CLUH: variants seen among roughly 807,000 people sequenced by gnomAD.
The protein encoded by CLUH is clustered mitochondria protein homolog.
CLUH carries 77 observed loss-of-function variants against 139.3 expected under a neutral mutation model. That is an observed-to-expected ratio of 0.55 (90% CI 0.46 to 0.67). The LOEUF (loss-of-function observed/expected upper bound fraction) is 0.67, where lower values mean the gene tolerates loss of function less well. CLUH is among the 30% of genes least tolerant of loss of function. The pLI is 0.00. For synonymous variants in CLUH, 999 were observed against 801.6 expected, an observed-to-expected ratio of 1.25 and a Z score of -4.16; for missense variants, 1,876 against 1,875.8, an observed-to-expected ratio of 1.00 and a Z score of 0.00.
rs533588934 is a variant in CLUH, at chr17:2,698,570, C to G, written c.1287G>C (p.Ala429=). ...AIFKVHSDFT[A]AATRGAMAVI... is the part of the protein sequence containing the mutation. The stretch of plus-strand genomic sequence containing the variant: ...CGGCCATGGCGCCCCTGGTGGCTGC[C>G]GCGGTGAAGTCGCTGTGCACCTGGC... The change falls in exon 10 of 26, where the codon GCG becomes GCC. Residue 429 remains alanine (A), a synonymous_variant. Coordinates refer to ENST00000651024, the MANE Select transcript of CLUH (RefSeq NM_001366661.1). 18 of 1,606,332 alleles carry G rather than the reference C, an allele frequency of 1.1e-5. No individual in the cohort carries two copies. The East Asian group carries it at 3.6e-4, about 32-fold the overall frequency.
At chr17:2,694,822 T>TACC in intron 16 of CLUH, 35 bp downstream of exon 16, 14 of 1,346,332 alleles carry the variant, frequency 1.0e-5, no homozygotes, top group South Asian at 4.4e-5. Context: ...ATCTGCCCAA[T>TACC]CCCACCCACC....
chr17:2,703,053 T>C lies in CLUH; in HGVS notation c.475+265A>G, dbSNP rs2070238228. 1.3e-5 allele frequency among the ~76,000 whole-genome samples: 2 copies of C among 152,188 alleles called. No homozygotes were observed. The highest frequency in any genetic ancestry group is 4.1e-4 in the South Asian group (2 of 4,832). On this transcript the variant is annotated intron_variant, in intron 3 of 25. Transcript: ENST00000651024. The surrounding 1 kb of genome is among the most constrained non-coding windows in gnomAD (Gnocchi z 4.2). ...GTTGGCCAGGCAAGTCTCCAACTCC[T>C]GACCTCAGGTGATCCACACGCCTTG...
At chr17:2,700,637 G>C (rs760073407) in intron 8 of CLUH, 41 bp downstream of exon 8, 1 of 1,517,284 alleles carries the variant, frequency 6.6e-7, no homozygotes. Flanking sequence ...CACCCAGGAG[G>C]GCAGGGGTGC....
chr17:2,695,664 A>G (rs1342782244), intron 13 of CLUH, 138 bp from the exon 14 acceptor site: 1 of 1,176,216 alleles, frequency 8.5e-7, no homozygotes. Context: ...GGATGTCAGA[A>G]TGTGCCCAGC....
Position 2,694,697 on chromosome 17 carries a change from C to A in CLUH, c.2853-133G>T, listed in dbSNP as rs1185320276. 4.5e-6 allele frequency: 6 copies of A among 1,327,432 alleles called. No homozygotes were observed. The East Asian group carries it at 1.5e-4, about 33-fold the overall frequency. The allele number at this position is 1,327,432 out of a possible 1,614,324, so 82.2% of individuals were successfully genotyped here. A position where few individuals can be genotyped will look rare whatever the true frequency, so the allele number is the denominator to read the frequency against. On this transcript the variant is annotated intron_variant, in intron 16 of 25. Coordinates refer to ENST00000651024, the MANE Select transcript of CLUH (RefSeq NM_001366661.1). ...CACCCGGCCCCCGGGAGCCTCCCGG[C>A]TGCCCTCACCCTCCAGCACCCAGTG...
chr17:2,692,337 G>GCGTTTGGACGC (rs1567577009), intron 22 of CLUH, 24 bp downstream of exon 22: 10 of 1,532,000 alleles, frequency 6.5e-6, no homozygotes, highest in Middle Eastern at 2.1e-4. Flanking sequence ...GCCGGCCTTG[G>GCGTTTGGACGC]CGTTTGGACG....
At chr17:2,697,353 C>G (rs879433118) in intron 10 of CLUH, among the ~76,000 whole-genome samples, 4 of 150,570 alleles carry the variant, frequency 2.7e-5, no homozygotes, top group East Asian at 2.0e-4. Context: ...GAGCCGGGAT[C>G]GTGCCATTGC....
At chr17:2,692,731 C>A in intron 20 of CLUH, 35 bp from the exon 21 acceptor site, 1 of 1,601,854 alleles carries the variant, frequency 6.2e-7, no homozygotes. Flanking sequence ...AGGGTGGCCG[C>A]GGACCCAGCC....
At position 2,707,757 on chromosome 17, in the gene CLUH, C is replaced by G. The variant is rs914901397; in HGVS notation, c.101-3193G>C. On this transcript the variant is annotated intron_variant, in intron 1 of 25. Transcript: ENST00000651024. This position sits in a 1 kb window ranked among gnomAD's most constrained non-coding sequence, Gnocchi z 7.4. ...CCAGGCCATAAGGTGGCTGCCTCTG[C>G]CCACCAGTCCCAGACACTGAGCACC... is the stretch of plus-strand genomic sequence containing the variant. 2 of 985,338 alleles carry G rather than the reference C, an allele frequency of 2.0e-6. No individual in the cohort carries two copies. The highest frequency in any genetic ancestry group is 3.5e-5 in the African/African-American group (2 of 57,254). The allele number at this position is 985,338 out of a possible 1,614,324, so 61.0% of individuals were successfully genotyped here. A position where few individuals can be genotyped will look rare whatever the true frequency, so the allele number is the denominator to read the frequency against.
chr17:2,704,413 C>T lies in CLUH; in HGVS notation c.252G>A (p.Thr84=), dbSNP rs200262545. Residue 84 remains threonine (T), a synonymous_variant, in exon 2 of 26, where the codon ACG becomes ACA. Coordinates refer to ENST00000651024, the MANE Select transcript of CLUH (RefSeq NM_001366661.1). The surrounding 1 kb of genome is among the most constrained non-coding windows in gnomAD (Gnocchi z 5.7). ...TGQEVIVIQD[T]GFSVKILAPG... is the part of the protein sequence containing the mutation. ...GGGCGAGGATCTTCACAGAAAAGCC[C>T]GTGTCCTGAATGACAATGACTTCCT... 27 of 1,611,084 alleles carry T rather than the reference C, an allele frequency of 1.7e-5. No individual in the cohort carries two copies. The Admixed American group carries it at 2.5e-4, about 15-fold the overall frequency.
Position 2,692,862 on chromosome 17 carries a change from T to G in CLUH, c.3232-2A>C. 6.3e-7 allele frequency: 1 copy of G among 1,588,264 alleles called. No homozygotes were observed. The highest frequency in any genetic ancestry group is 8.6e-7 in the Non-Finnish European group (1 of 1,165,012). The stretch of plus-strand genomic sequence containing the variant: ...CGCCTTCTGCTGGTTACTCAGGGCC[T>G]GGGGAGAGACAGTGGTGGTTGCCGC... On this transcript the variant is annotated splice_acceptor_variant, in intron 19 of 25. Transcript: ENST00000651024. LOFTEE classifies it high-confidence loss of function.
Position 2,700,886 on chromosome 17 carries a change from G to T in CLUH, c.1026-61C>A. The T allele has an allele frequency of 2.0e-6, 3 of 1,498,366 alleles. No homozygotes were observed. The South Asian group carries it at 4.0e-5, about 20-fold the overall frequency. 92.8% of individuals were successfully genotyped at this position (1,498,366 alleles called of 1,614,324 possible). A position where few individuals can be genotyped will look rare whatever the true frequency, so the allele number is the denominator to read the frequency against. On this transcript the variant is annotated intron_variant, in intron 7 of 25. Coordinates refer to ENST00000651024, the MANE Select transcript of CLUH (RefSeq NM_001366661.1). ...CACCAAGCTCAGAGCCCTTCCACGGGCCCCTTTTCTGAGGCCCCCGCCTGC... is the reference window on the plus strand; with the variant it reads ...CACCAAGCTCAGAGCCCTTCCACGGTCCCCTTTTCTGAGGCCCCCGCCTGC...
At position 2,701,137 on chromosome 17, in the gene CLUH, T is replaced by TAC; in HGVS notation, c.1025+1_1025+2dup. ...ACAAGGCGGGAGGGGACAAAGGCAC[T>TAC]ACCTTTTCTTCTGCAGCACAGCGAA... On this transcript the variant is annotated splice_region_variant and intron_variant, in intron 7 of 25. Coordinates refer to ENST00000651024, the MANE Select transcript of CLUH (RefSeq NM_001366661.1). The TAC allele has an allele frequency of 2.5e-6, 4 of 1,613,886 alleles. No individual in the cohort carries two copies. Among genetic ancestry groups the TAC allele is most frequent in the Non-Finnish European group, 3.4e-6 (4 of 1,179,866 alleles).
chr17:2,692,557 G>C lies in CLUH; in HGVS notation c.3438+14C>G, dbSNP rs777243045. 1.2e-6 allele frequency: 2 copies of C among 1,605,006 alleles called. No homozygotes were observed. Among genetic ancestry groups the C allele is most frequent in the Non-Finnish European group, 1.7e-6 (2 of 1,177,298 alleles). On this transcript the variant is annotated intron_variant, in intron 21 of 25. Coordinates refer to ENST00000651024, the MANE Select transcript of CLUH (RefSeq NM_001366661.1). ...GGAGCTGGGTCCCTGCCGCCCCCCC[G>C]CCCCAGCACTCACGTCCAGCAGCGC...
chr17:2,706,504 C>T lies in CLUH; in HGVS notation c.101-1940G>A, dbSNP rs1017347458. ...AGTAACTGTGCATGTCATGGCTCTC[C>T]ACCCCACCCTCTCCAAGCCTGCAGT... is the stretch of plus-strand genomic sequence containing the variant. On this transcript the variant is annotated intron_variant, in intron 1 of 25. Transcript: ENST00000651024. The surrounding 1 kb of genome is among the most constrained non-coding windows in gnomAD (Gnocchi z 4.6). 1.3e-5 allele frequency among the ~76,000 whole-genome samples: 2 copies of T among 152,088 alleles called. No homozygotes were observed. The highest frequency in any genetic ancestry group is 6.5e-5 in the Admixed American group (1 of 15,272).
At chr17:2,696,991 G>T in intron 10 of CLUH, 49 bp from the exon 11 acceptor site, 1 of 1,412,922 alleles carries the variant, frequency 7.1e-7, no homozygotes, top group Non-Finnish European at 9.5e-7. Context: ...TCGGGGAGAG[G>T]AGCTCTGCTG....
chr17:2,691,913 G>A lies in CLUH; in HGVS notation c.3655-18C>T, dbSNP rs1313849524. 2.7e-6 allele frequency: 4 copies of A among 1,463,102 alleles called. No individual in the cohort carries two copies. Among genetic ancestry groups the A allele is most frequent in the East Asian group, 2.6e-5 (1 of 38,910 alleles). The allele number at this position is 1,463,102 out of a possible 1,614,324, so 90.6% of individuals were successfully genotyped here. On this transcript the variant is annotated intron_variant, in intron 23 of 25. Coordinates refer to ENST00000651024, the MANE Select transcript of CLUH (RefSeq NM_001366661.1). ...TCGCCCAGCTGCGGGGAGGCGGGAAGGGATCAGGCCCCCCCGTGCCCCCGC... is the reference window on the plus strand; with the variant it reads ...TCGCCCAGCTGCGGGGAGGCGGGAAAGGATCAGGCCCCCCCGTGCCCCCGC...
rs770173282 is a variant in CLUH, at chr17:2,696,422, CCCA to C, written c.2290+9_2290+11del. 39 of 1,574,076 alleles carry C rather than the reference CCCA, an allele frequency of 2.5e-5. No homozygotes were observed. In the African/African-American group the frequency reaches 4.6e-4, roughly 19 times the overall value. ...TGGAGGGCTCCTGCGCTGGCCGGCC[CCCA>C]CCACCTGCCTGGTGAGAAGATGTCA... is the stretch of plus-strand genomic sequence containing the variant. On this transcript the variant is annotated intron_variant, in intron 12 of 25. Coordinates refer to ENST00000651024, the MANE Select transcript of CLUH (RefSeq NM_001366661.1).
intron 11 of CLUH, 52 bp from the exon 12 acceptor site, chr17:2,696,590 C>A: frequency 6.5e-7 from 1 of 1,532,404 alleles, no homozygotes; most frequent in South Asian, 1.2e-5. Flanking sequence ...ACCGGTGGAG[C>A]TGGGCTGCGC....
Sources: allele counts gnomAD v4.1 joint callset (sites outside exome capture counted in the v4.1 genomes callset), GRCh38; gene constraint gnomAD v4.1.1; non-coding constraint Gnocchi (gnomAD v3.1); transcripts MANE v1.5; gene names NCBI Gene and HGNC (gene_info 2026-07-23, HGNC 2026-07-21).